PIAS1: variants seen among roughly 807,000 people sequenced by gnomAD.
The protein encoded by PIAS1 is protein inhibitor of activated STAT 1.
PIAS1 carries 6 observed loss-of-function variants against 71.3 expected under a neutral mutation model. The ratio of observed to expected loss-of-function variants is 0.08; its 90% confidence interval spans 0.05 to 0.17. PIAS1 has a LOEUF of 0.17. PIAS1 is among the 10% of genes least tolerant of loss of function. PIAS1 has a pLI of 1.00. For missense variants in PIAS1, 555 were observed against 793.6 expected (o/e 0.70, Z 3.61); for synonymous variants, 303 against 292.9 (o/e 1.03, Z -0.35).
intron 2 of PIAS1, among the ~76,000 whole-genome samples, chr15:68,116,449 T>C (rs1181047599): frequency 2.0e-5 from 3 of 152,148 alleles, no homozygotes; most frequent in Non-Finnish European, 4.4e-5. Flanking sequence ...ATTCCTGATA[T>C]CGACAATCTA....
chr15:68,069,422 A>G (rs537751763), intron 1 of PIAS1, among the ~76,000 whole-genome samples: 32 of 152,294 alleles, frequency 2.1e-4, no homozygotes, highest in Non-Finnish European at 3.7e-4. Context: ...TCTATCAATA[A>G]AAATGAGTGC....
intron 1 of PIAS1, among the ~76,000 whole-genome samples, chr15:68,072,061 A>G (rs574560664): frequency 2.0e-5 from 3 of 151,870 alleles, no homozygotes; most frequent in South Asian, 2.1e-4. Context: ...CGGAACAGCT[A>G]CTAGATCCAC....
At chr15:68,121,030 T>C (rs556908264) in intron 2 of PIAS1, among the ~76,000 whole-genome samples, 92 of 152,332 alleles carry the variant, frequency 6.0e-4, no homozygotes, top group African/African-American at 2.1e-3. Flanking sequence ...AACAATTCTT[T>C]ATATTTATCG....
intron 7 of PIAS1, among the ~76,000 whole-genome samples, chr15:68,159,341 T>C (rs1458522431): frequency 1.3e-5 from 2 of 152,172 alleles, no homozygotes; most frequent in Non-Finnish European, 2.9e-5. Flanking sequence ...CCGTTTTCTC[T>C]CTTTCTTTTG....
intron 1 of PIAS1, among the ~76,000 whole-genome samples, chr15:68,085,594 G>A (rs934878987): frequency 4.6e-5 from 7 of 152,116 alleles, no homozygotes; most frequent in African/African-American, 1.7e-4. Context: ...AGACATATCT[G>A]GGTTTGAATC....
At chr15:68,148,188 A>G (rs1006861790) in intron 6 of PIAS1, among the ~76,000 whole-genome samples, 2 of 152,194 alleles carry the variant, frequency 1.3e-5, no homozygotes, top group Non-Finnish European at 2.9e-5. Flanking sequence ...GGCTTCCCTG[A>G]GGAAGCAGTG....
intron 6 of PIAS1, among the ~76,000 whole-genome samples, chr15:68,149,719 A>G (rs1038684099): frequency 6.6e-6 from 1 of 152,086 alleles, no homozygotes; most frequent in Non-Finnish European, 1.5e-5. Context: ...AGCTAAATTC[A>G]TATATTGGTT....
chr15:68,109,644 A>G (rs1187332168), intron 2 of PIAS1, among the ~76,000 whole-genome samples: 1 of 152,186 alleles, frequency 6.6e-6, no homozygotes, highest in Admixed American at 6.5e-5. Context: ...TTGTCCTAGC[A>G]TTCCCAGGAA....
intron 1 of PIAS1, among the ~76,000 whole-genome samples, chr15:68,075,160 C>T (rs1297647227): frequency 7.4e-6 from 1 of 134,780 alleles, no homozygotes; most frequent in East Asian, 2.3e-4. Flanking sequence ...TCTTGGCTCA[C>T]TGCAACCTCC....
In PIAS1 at chr15:68,103,686, T is replaced by G. The variant is rs74317707; in HGVS notation, c.469+16936T>G. Reference sequence around the variant, plus strand: ...TATAGATTTTCCTGTTTTGGACATCTCATATGAATGGAATCGTATGGTATA... The same window carrying G: ...TATAGATTTTCCTGTTTTGGACATCGCATATGAATGGAATCGTATGGTATA... On this transcript the variant is annotated intron_variant, in intron 2 of 13. Coordinates refer to ENST00000249636, the MANE Select transcript of PIAS1 (RefSeq NM_016166.3). 6.1e-3 allele frequency among the ~76,000 whole-genome samples: 932 copies of G among 152,318 alleles called. 4 individuals are homozygous for G. The highest frequency in any genetic ancestry group is 0.032 in the East Asian group (168 of 5,186).
intron 7 of PIAS1, among the ~76,000 whole-genome samples, chr15:68,164,493 CCT>C (rs1427077967): frequency 1.2e-4 from 18 of 151,918 alleles, no homozygotes; most frequent in Admixed American, 3.3e-4. Flanking sequence ...GTTTTTGTCC[CCT>C]GAGTGAGAAA....
intron 8 of PIAS1, among the ~76,000 whole-genome samples, chr15:68,165,021 C>G (rs888362956): frequency 1.3e-5 from 2 of 152,062 alleles, no homozygotes; most frequent in Admixed American, 6.6e-5. Context: ...TAAATATGGC[C>G]TGTGATTAAT....
At chr15:68,146,063 A>G (rs907157452) in intron 5 of PIAS1, among the ~76,000 whole-genome samples, 157 bp downstream of exon 5, 1 of 152,204 alleles carries the variant, frequency 6.6e-6, no homozygotes, top group Non-Finnish European at 1.5e-5. Context: ...AACTATGTAC[A>G]GTTAGCAGCA....
intron 1 of PIAS1, among the ~76,000 whole-genome samples, chr15:68,081,862 C>T (rs767347555): frequency 2.6e-5 from 4 of 151,304 alleles, no homozygotes; most frequent in Non-Finnish European, 5.9e-5. Flanking sequence ...AGGGGACATA[C>T]ATCTCTAAGT....
chr15:68,155,130 T>C (rs761245818), intron 7 of PIAS1, among the ~76,000 whole-genome samples: 1 of 152,186 alleles, frequency 6.6e-6, no homozygotes, highest in Non-Finnish European at 1.5e-5. Flanking sequence ...TTAACTCTTC[T>C]CCGCTTGTAG....
At chr15:68,152,073 C>T (rs2092851209) in intron 6 of PIAS1, among the ~76,000 whole-genome samples, 1 of 149,214 alleles carries the variant, frequency 6.7e-6, no homozygotes, top group Non-Finnish European at 1.5e-5. Flanking sequence ...CCCCAGGCTC[C>T]CAAGTAGCTG....
rs150997979 is a variant in PIAS1 at position 68,088,176 on chromosome 15, G to GTGTGTATATATATATATATATA, written c.469+1427_469+1428insGTGTATATATATATATATATAT. Among the ~76,000 whole-genome samples the GTGTGTATATATATATATATATA allele has an allele frequency of 1.3e-3, 98 of 72,980 alleles. 1 individual carries two copies. Among genetic ancestry groups the GTGTGTATATATATATATATATA allele is most frequent in the East Asian group, 2.9e-3 (4 of 1,370 alleles). 47.9% of individuals were successfully genotyped at this position (72,980 alleles called of 152,430 possible). A position where few individuals can be genotyped will look rare whatever the true frequency, so the allele number is the denominator to read the frequency against. On this transcript the variant is annotated intron_variant, in intron 2 of 13. Coordinates refer to ENST00000249636, the MANE Select transcript of PIAS1 (RefSeq NM_016166.3). ...TTCTTGTCTGTCTGATTATGTGTGTGTATATATATATATATATATATATAT... is the reference window on the plus strand; with the variant it reads ...TTCTTGTCTGTCTGATTATGTGTGTGTGTGTATATATATATATATATATATATATATATATATATATATATAT...
intron 1 of PIAS1, among the ~76,000 whole-genome samples, chr15:68,085,534 C>T (rs1466719788): frequency 6.6e-6 from 1 of 152,198 alleles, no homozygotes; most frequent in Admixed American, 6.5e-5. Context: ...ATGAGTCCAG[C>T]TCTGTCTTTT....
At chr15:68,065,598 A>AG (rs1313974210) in intron 1 of PIAS1, among the ~76,000 whole-genome samples, 9 of 151,826 alleles carry the variant, frequency 5.9e-5, no homozygotes, top group African/African-American at 2.2e-4. Context: ...GAAAAAAAAA[A>AG]AAAAAGAAAA....
Sources: allele counts gnomAD v4.1 joint callset (sites outside exome capture counted in the v4.1 genomes callset), GRCh38; gene constraint gnomAD v4.1.1; transcripts MANE v1.5; gene names NCBI Gene and HGNC (gene_info 2026-07-23, HGNC 2026-07-21).